The following CFAP47 variants were observed in gnomAD, a reference collection of about 807,000 sequenced individuals.
CFAP47 encodes the protein cilia and flagella associated protein 47.
CFAP47 carries 29 observed loss-of-function variants against 148.1 expected under a neutral mutation model. The ratio of observed to expected loss-of-function variants is 0.20; its 90% CI spans 0.15 to 0.27. CFAP47 has a LOEUF of 0.27. CFAP47 is among the 10% of genes least tolerant of loss of function. The pLI, the probability that CFAP47 is intolerant of heterozygous loss-of-function variation, is 1.00. For synonymous variants in CFAP47, 664 were observed against 577.3 expected, an observed-to-expected ratio of 1.15 and a Z score of -2.15; for missense variants, 1,872 against 1,697.5, an observed-to-expected ratio of 1.10 and a Z score of -1.81.
chrX:36,355,718 G>A (rs1428497309), intron 60 of CFAP47, among the ~76,000 whole-genome samples: 1 of 111,351 alleles, frequency 9.0e-6, no homozygotes, highest in Non-Finnish European at 1.9e-5. Context: ...GAGAAGAAAT[G>A]GGGAGTTGAA....
rs925868951 is a variant in CFAP47 at position 36,039,121 on chromosome X, G to A, written c.3949G>A (p.Val1317Ile). Residue 1317 changes from valine (V) to isoleucine (I), a missense_variant, in exon 25 of 64, where the codon GTT becomes ATT. By Grantham distance (29) the Val-to-Ile change is conservative. Transcript: ENST00000378653. ...CCCTCCATTTATATTTTTCACTCCT[G>A]TTCCTTTGGATATAACAACTGTAAT... ...FDPPFIFFTP[V>I]PLDITTVMDI... is the part of the protein sequence containing the mutation. The A allele has an allele frequency of 9.0e-7, 1 of 1,106,519 alleles. No homozygotes were observed. Among genetic ancestry groups the A allele is most frequent in the African/African-American group, 1.8e-5 (1 of 54,559 alleles). 91.2% of individuals were successfully genotyped at this position (1,106,519 alleles called of 1,213,427 possible).
chrX:35,943,566 C>A (rs183538241), intron 3 of CFAP47, among the ~76,000 whole-genome samples: 91 of 111,378 alleles, frequency 8.2e-4, no homozygotes, highest in Non-Finnish European at 1.5e-3. Flanking sequence ...CCCAAATTTA[C>A]CCCTGACTGT....
rs1555994725 is a variant in CFAP47, at chrX:36,236,692, C to A, written c.7165C>A (p.Leu2389Ile). The change falls in exon 48 of 64, where the codon CTT becomes ATT. Residue 2389 changes from leucine (L) to isoleucine (I), a missense_variant. By Grantham distance (5) the Leu-to-Ile change is conservative (BLOSUM62 2). Coordinates refer to ENST00000378653, the MANE Select transcript of CFAP47 (RefSeq NM_001304548.2). ...PIFECVITGK[L>I]ILQNEVDGRE... is the part of the protein sequence containing the mutation. Reference sequence around the variant, plus strand: ...TTTGTCTGGTTTCTCATAGGGTAAACTTATTCTACAAAATGAAGTAGATGG... The same window carrying A: ...TTTGTCTGGTTTCTCATAGGGTAAAATTATTCTACAAAATGAAGTAGATGG... The A allele has an allele frequency of 1.9e-6, 1 of 524,263 alleles. No homozygotes were observed. Among genetic ancestry groups the A allele is most frequent in the Non-Finnish European group, 3.5e-6 (1 of 286,414 alleles). The allele number at this position is 524,263 out of a possible 1,213,427, so 43.2% of individuals were successfully genotyped here. A position where few individuals can be genotyped will look rare whatever the true frequency, so the allele number is the denominator to read the frequency against.
intron 26 of CFAP47, among the ~76,000 whole-genome samples, chrX:36,053,735 G>C (rs1462970889): frequency 8.9e-6 from 1 of 111,926 alleles, no homozygotes; most frequent in African/African-American, 3.2e-5. Context: ...ATATAATACT[G>C]GTGTGTCATA....
chrX:36,317,212 A>C (rs782697311), intron 56 of CFAP47, among the ~76,000 whole-genome samples: 1 of 111,754 alleles, frequency 8.9e-6, no homozygotes, highest in Non-Finnish European at 1.9e-5. Context: ...CATTGCAAAT[A>C]GCCAATCAGG....
Position 36,182,294 on chromosome X carries a change from G to A in CFAP47, c.6104+2872G>A, listed in dbSNP as rs144077923. On this transcript the variant is annotated intron_variant, in intron 40 of 63. Coordinates refer to ENST00000378653, the MANE Select transcript of CFAP47 (RefSeq NM_001304548.2). Reference sequence around the variant, plus strand: ...ACAAAACCTAGCTGGAGGAAAGACTGGAAAACCTCCTTTCTCCATACACAT... The same window carrying A: ...ACAAAACCTAGCTGGAGGAAAGACTAGAAAACCTCCTTTCTCCATACACAT... Among the ~76,000 whole-genome samples, 475 of 111,715 alleles carry A rather than the reference G, an allele frequency of 4.3e-3. 2 individuals carry two copies. Among genetic ancestry groups the A allele is most frequent in the African/African-American group, 0.015 (460 of 30,750 alleles).
chrX:36,026,051 C>T (rs1000179824), intron 22 of CFAP47, among the ~76,000 whole-genome samples: 4 of 111,596 alleles, frequency 3.6e-5, no homozygotes, highest in African/African-American at 6.5e-5. Context: ...CCAAAAAGTA[C>T]ATATGTAACG....
At chrX:36,355,761 C>T in intron 60 of CFAP47, among the ~76,000 whole-genome samples, 1 of 111,589 alleles carries the variant, frequency 9.0e-6, no homozygotes, top group East Asian at 2.8e-4. Context: ...GTACTAAATG[C>T]ATAAGTTCTA....
At chrX:35,954,395 A>G (rs759184180) in intron 7 of CFAP47, among the ~76,000 whole-genome samples, 41 of 111,364 alleles carry the variant, frequency 3.7e-4, no homozygotes, top group African/African-American at 1.3e-3. Context: ...CATCCTGGAT[A>G]TTTATGCAAA....
chrX:36,056,296 G>T (rs1937554197), intron 26 of CFAP47, among the ~76,000 whole-genome samples: 1 of 112,050 alleles, frequency 8.9e-6, no homozygotes, highest in Non-Finnish European at 1.9e-5. Flanking sequence ...TACAACATGG[G>T]TTGACTAATG....
chrX:36,380,878 A>T (rs782325290), intron 63 of CFAP47, among the ~76,000 whole-genome samples: 2 of 112,323 alleles, frequency 1.8e-5, no homozygotes, highest in African/African-American at 6.5e-5. Flanking sequence ...TTCTGCAATT[A>T]ACAGAAGGCT....
intron 8 of CFAP47, among the ~76,000 whole-genome samples, chrX:35,961,703 T>C (rs913614487): frequency 5.4e-5 from 6 of 111,286 alleles, no homozygotes; most frequent in Admixed American, 9.6e-5. Context: ...GCAAAGTTAG[T>C]CATCTCTTTT....
intron 15 of CFAP47, among the ~76,000 whole-genome samples, chrX:35,976,590 C>T (rs758623863): frequency 9.0e-6 from 1 of 111,205 alleles, no homozygotes; most frequent in Admixed American, 9.6e-5. Flanking sequence ...AATAACTGAG[C>T]CCTACAGCCT....
chrX:36,245,884 G>T (rs782216888), intron 48 of CFAP47, among the ~76,000 whole-genome samples: 2 of 111,518 alleles, frequency 1.8e-5, no homozygotes, highest in South Asian at 7.5e-4. Flanking sequence ...AATGAAACTG[G>T]ATCCCTATCT....
At chrX:36,284,036 T>A (rs1941107002) in intron 50 of CFAP47, among the ~76,000 whole-genome samples, 1 of 112,102 alleles carries the variant, frequency 8.9e-6, no homozygotes, top group Non-Finnish European at 1.9e-5. Flanking sequence ...ATAAGCTACC[T>A]AGAAGGGAAA....
intron 62 of CFAP47, among the ~76,000 whole-genome samples, chrX:36,370,926 C>T (rs782371297): frequency 9.0e-6 from 1 of 111,049 alleles, no homozygotes; most frequent in African/African-American, 3.3e-5. Flanking sequence ...GAAAGAAGGA[C>T]GAAGATGCAT....
intron 30 of CFAP47, among the ~76,000 whole-genome samples, chrX:36,090,065 A>C (rs2146781860): frequency 8.9e-6 from 1 of 112,039 alleles, no homozygotes; most frequent in African/African-American, 3.2e-5. Context: ...TGAGTAATAA[A>C]TGTCTTGTTG....
chrX:35,965,030 G>T (rs1936382466), intron 8 of CFAP47, among the ~76,000 whole-genome samples: 1 of 111,238 alleles, frequency 9.0e-6, no homozygotes, highest in African/African-American at 3.3e-5. Flanking sequence ...CTGATTATTT[G>T]GGTGTCTCGT....
intron 15 of CFAP47, among the ~76,000 whole-genome samples, chrX:35,988,786 T>A (rs1476766124): frequency 8.9e-6 from 1 of 112,292 alleles, no homozygotes; most frequent in African/African-American, 3.2e-5. Flanking sequence ...CTCAATGTAT[T>A]TGAATTATAG....
Sources: allele counts gnomAD v4.1 joint callset (sites outside exome capture counted in the v4.1 genomes callset), GRCh38; gene constraint gnomAD v4.1.1; transcripts MANE v1.5; gene names NCBI Gene and HGNC (gene_info 2026-07-23, HGNC 2026-07-21).